Variants in ECPAS observed in about 807,000 individuals in gnomAD.
The protein encoded by ECPAS is proteasome adapter and scaffold protein ECM29.
ECPAS carries 70 observed loss-of-function variants against 255.1 expected under a neutral mutation model. That is an observed-to-expected ratio of 0.27 (90% CI 0.23 to 0.33). ECPAS has a LOEUF of 0.33. Ranked by LOEUF, ECPAS falls within the 10% of genes least tolerant of loss-of-function variation. ECPAS has a pLI of 1.00. For missense variants in ECPAS, 1,817 were observed against 2,206.4 expected (o/e 0.82, Z 3.54); for synonymous variants, 784 against 775.0 (o/e 1.01, Z -0.19).
chr9:111,454,724 T>A lies in ECPAS; in HGVS notation c.23-3169A>T, dbSNP rs557109630. Among the ~76,000 whole-genome samples, 46 of 151,698 alleles carry A rather than the reference T, an allele frequency of 3.0e-4. No homozygotes were observed. In the South Asian group the frequency reaches 3.3e-3, roughly 11 times the overall value. Reference sequence around the variant, plus strand: ...TTTTCTTTTCCTTTTTTTTTTTTTTTAAATAAGACAGGGTCTTGCTGACAC... The same window carrying A: ...TTTTCTTTTCCTTTTTTTTTTTTTTAAAATAAGACAGGGTCTTGCTGACAC... On this transcript the variant is annotated intron_variant, in intron 2 of 49. Transcript: ENST00000684092.
chr9:111,382,116 T>C (rs986975892), intron 35 of ECPAS, among the ~76,000 whole-genome samples: 1 of 152,038 alleles, frequency 6.6e-6, no homozygotes, highest in Non-Finnish European at 1.5e-5. Flanking sequence ...GGTTGTCTTT[T>C]TGTGCTATAA....
At position 111,477,629 on chromosome 9, in the gene ECPAS, CA is replaced by C. The variant is rs1349134718; in HGVS notation, c.-82-4630del. Among the ~76,000 whole-genome samples the C allele has an allele frequency of 5.9e-5, 9 of 152,228 alleles. No individual in the cohort carries two copies. In the East Asian group the frequency reaches 1.7e-3, roughly 29 times the overall value. ...TAGGGCAGAATTAATACAAATTTTG[CA>C]ATCAGAGAATCTAAGTTCAAGTCCT... is the stretch of plus-strand genomic sequence containing the variant. On this transcript the variant is annotated intron_variant, in intron 1 of 49. Transcript: ENST00000684092.
chr9:111,387,722 C>T (rs1204244360), intron 31 of ECPAS, among the ~76,000 whole-genome samples: 5 of 151,538 alleles, frequency 3.3e-5, no homozygotes, highest in Non-Finnish European at 7.4e-5. Context: ...GTGTCTCACT[C>T]GTCAGTGCAG....
In ECPAS at chr9:111,484,111, C is replaced by T; in HGVS notation, c.-83+5G>A. 7.0e-7 allele frequency: 1 copy of T among 1,426,846 alleles called. No individual in the cohort carries two copies. 88.4% of individuals were successfully genotyped at this position (1,426,846 alleles called of 1,614,324 possible). ...TCCCCCGCGGCCCGGGGGCGGGCCT[C>T]TGACCTGAGTCGGAGCCGGTCTCCA... On this transcript the variant is annotated splice_donor_5th_base_variant and intron_variant, in intron 1 of 49. Transcript: ENST00000684092.
At chr9:111,384,828 C>T (rs1435639027) in intron 33 of ECPAS, among the ~76,000 whole-genome samples, 2 of 152,058 alleles carry the variant, frequency 1.3e-5, no homozygotes, top group African/African-American at 4.8e-5. Context: ...AGTTGAGAAA[C>T]TAAATGTATT....
chr9:111,362,069 T>C lies in ECPAS; in HGVS notation c.5481A>G (p.Lys1827=), dbSNP rs1429390901. 1.2e-6 allele frequency: 2 copies of C among 1,612,536 alleles called. No homozygotes were observed. Among genetic ancestry groups the C allele is most frequent in the South Asian group, 1.1e-5 (1 of 90,944 alleles). The change falls in exon 50 of 50, where the codon AAA becomes AAG. Residue 1827 remains lysine (K), a synonymous_variant. Coordinates refer to ENST00000684092, the MANE Select transcript of ECPAS (RefSeq NM_001364929.1). ...CAAGTGTTTTCTTCAGTAACGCTGCTTTCTCCTGCAGTTCAGGTCTGCTGT... is the reference window on the plus strand; with the variant it reads ...CAAGTGTTTTCTTCAGTAACGCTGCCTTCTCCTGCAGTTCAGGTCTGCTGT... The part of the protein sequence containing the change: ...EPDSRPELQE[K]AALLKKTLEN...
At chr9:111,445,645 G>T (rs903653186) in intron 3 of ECPAS, among the ~76,000 whole-genome samples, 3 of 152,062 alleles carry the variant, frequency 2.0e-5, no homozygotes, top group African/African-American at 7.2e-5. Context: ...AAATACTGAG[G>T]CATTTTTATT....
chr9:111,480,287 C>CTTTTTTTTTTTTTTTTTTTTTTTTT (rs1282400347), intron 1 of ECPAS, among the ~76,000 whole-genome samples: 2 of 113,682 alleles, frequency 1.8e-5, no homozygotes, highest in Non-Finnish European at 3.6e-5. Context: ...TTAAAAGCAC[C>CTTTTTTTTTTTTTTTTTTTTTTTTT]TTTTCTTTTT....
intron 8 of ECPAS, 102 bp downstream of exon 8, chr9:111,433,131 T>G (rs945837616): frequency 8.5e-7 from 1 of 1,183,056 alleles, no homozygotes; most frequent in Non-Finnish European, 1.2e-6. Context: ...CTCCTCTAAG[T>G]TGAATGCCTC....
rs376958768 is a variant in ECPAS, at chr9:111,382,498, C to A, written c.3803+713G>T. 5.5e-4 allele frequency among the ~76,000 whole-genome samples: 83 copies of A among 152,016 alleles called. 1 individual carries two copies. The highest frequency in any genetic ancestry group is 1.8e-3 in the African/African-American group (76 of 41,454). On this transcript the variant is annotated intron_variant, in intron 35 of 49. Transcript: ENST00000684092. ...GGCCAGGTTGGTCTCAAACTCCCAA[C>A]CTCAAGTGATCCGCCCACCTCGGCC...
At chr9:111,411,980 T>A in intron 21 of ECPAS, 34 bp downstream of exon 21, 1 of 1,489,428 alleles carries the variant, frequency 6.7e-7, no homozygotes, top group Non-Finnish European at 8.9e-7. Context: ...AAACCCTATC[T>A]CCCACAAAAA....
At chr9:111,387,952 C>T (rs2098152869) in intron 31 of ECPAS, among the ~76,000 whole-genome samples, 1 of 152,232 alleles carries the variant, frequency 6.6e-6, no homozygotes, top group Admixed American at 6.5e-5. Flanking sequence ...ATCTTTTTAT[C>T]CCCAGTACCT....
chr9:111,369,889 T>C (rs1411419610), intron 45 of ECPAS, among the ~76,000 whole-genome samples: 1 of 152,170 alleles, frequency 6.6e-6, no homozygotes, highest in Non-Finnish European at 1.5e-5. Flanking sequence ...CTAGGATGGC[T>C]GGGGTGGCTT....
intron 3 of ECPAS, among the ~76,000 whole-genome samples, chr9:111,446,779 C>T (rs1472230766): frequency 1.3e-5 from 2 of 152,284 alleles, no homozygotes; most frequent in East Asian, 3.9e-4. Flanking sequence ...CAGCAAATAG[C>T]AAAGTCAAAA....
intron 3 of ECPAS, among the ~76,000 whole-genome samples, chr9:111,448,445 A>C (rs1367672509): frequency 1.3e-5 from 2 of 152,202 alleles, no homozygotes; most frequent in Admixed American, 6.5e-5. Flanking sequence ...AAATACTATA[A>C]TTATTAATAA....
At position 111,418,019 on chromosome 9, in the gene ECPAS, G is replaced by A; in HGVS notation, c.1560-13C>T. The A allele has an allele frequency of 6.4e-7, 1 of 1,565,994 alleles. No homozygotes were observed. Among genetic ancestry groups the A allele is most frequent in the South Asian group, 1.2e-5 (1 of 81,730 alleles). ...AACTTCTTCACGTCTTTCAGAAAAA[G>A]ACAAATAAGAATAAAAAATAAATGT... On this transcript the variant is annotated splice_polypyrimidine_tract_variant and intron_variant, in intron 16 of 49. Coordinates refer to ENST00000684092, the MANE Select transcript of ECPAS (RefSeq NM_001364929.1).
At chr9:111,364,179 T>C (rs1259685443) in intron 48 of ECPAS, among the ~76,000 whole-genome samples, 1 of 152,150 alleles carries the variant, frequency 6.6e-6, no homozygotes, top group Non-Finnish European at 1.5e-5. Context: ...ATCCACTCTT[T>C]GACACGGCGT....
At chr9:111,439,239 T>TAA (rs1319136196) in intron 6 of ECPAS, among the ~76,000 whole-genome samples, 2 of 152,220 alleles carry the variant, frequency 1.3e-5, no homozygotes, top group African/African-American at 4.8e-5. Flanking sequence ...AGTTGACCTT[T>TAA]AAGCCAGTTT....
chr9:111,408,818 G>C (rs564779795), intron 23 of ECPAS, 146 bp from the exon 24 acceptor site: 2 of 481,970 alleles, frequency 4.1e-6, no homozygotes, highest in East Asian at 6.6e-5. Context: ...AAATTTTACA[G>C]TCGTATGTCT....
Sources: gnomAD v4.1 joint callset for allele counts (sites outside exome capture counted in the v4.1 genomes callset) on GRCh38, gnomAD v4.1.1 for gene constraint, MANE v1.5 for transcripts, NCBI Gene and HGNC (gene_info 2026-07-23, HGNC 2026-07-21) for gene names.